The following GRIK5 variants were observed in gnomAD, a reference collection of about 807,000 sequenced individuals.
GRIK5 encodes glutamate receptor ionotropic, kainate 5.
GRIK5 carries 43 observed loss-of-function variants against 97.4 expected under a neutral mutation model. That is an observed-to-expected ratio of 0.44 (90% CI 0.35 to 0.57). GRIK5 has a LOEUF of 0.57. GRIK5 is among the 20% of genes least tolerant of loss of function. GRIK5 has a pLI of 0.01. For synonymous variants in GRIK5, 580 were observed against 583.5 expected (o/e 0.99, Z 0.09); for missense variants, 1,015 against 1,382.0 (o/e 0.73, Z 4.21).
chr19:42,022,029 G>A lies in GRIK5; in HGVS notation c.1615C>T (p.Leu539=), dbSNP rs2146050633. ...MGRKPGYFSF[L]DPFSPAVWLF... Reference sequence around the variant, plus strand: ...CACACAGCAGGGGAGAAGGGGTCCAGGAAGGAGAAGTAGCCAGGCTTGCGG... The same window carrying A: ...CACACAGCAGGGGAGAAGGGGTCCAAGAAGGAGAAGTAGCCAGGCTTGCGG... The change falls in exon 14 of 20, where the codon CTG becomes TTG. Residue 539 remains leucine (L), a synonymous_variant. Coordinates refer to ENST00000593562, the MANE Select transcript of GRIK5 (RefSeq NM_002088.5). The surrounding 1 kb of genome is among the most constrained non-coding windows in gnomAD (Gnocchi z 4.2). The A allele has an allele frequency of 6.2e-7, 1 of 1,613,752 alleles. No homozygotes were observed.
At chr19:42,035,440 C>T (rs982627880) in intron 12 of GRIK5, among the ~76,000 whole-genome samples, 4 of 152,244 alleles carry the variant, frequency 2.6e-5, no homozygotes, top group South Asian at 2.1e-4. Context: ...GGCATGGTGG[C>T]TTACGCCTTT....
intron 11 of GRIK5, among the ~76,000 whole-genome samples, chr19:42,043,167 T>A (rs139573622): frequency 2.6e-4 from 39 of 152,298 alleles, no homozygotes; most frequent in African/African-American, 9.1e-4. Context: ...CACCCACACA[T>A]GAACACACGT....
At position 42,006,798 on chromosome 19, in the gene GRIK5, G is replaced by A; in HGVS notation, c.1884C>T (p.Thr628=). The A allele has an allele frequency of 1.9e-6, 3 of 1,605,384 alleles. No individual in the cohort carries two copies. The highest frequency in any genetic ancestry group is 2.6e-6 in the Non-Finnish European group (3 of 1,174,744). Residue 628 remains threonine (T), a synonymous_variant, in exon 16 of 20, where the codon ACC becomes ACT. Transcript: ENST00000593562. The surrounding 1 kb of genome is among the most constrained non-coding windows in gnomAD (Gnocchi z 5.3). ...RCVSGVWWAF[T]LIIISSYTAN... Reference sequence around the variant, plus strand: ...CCGTGTAGGAGGAGATGATGATCAAGGTGAAGGCCCACCTGAAGGGTGGGA... The same window carrying A: ...CCGTGTAGGAGGAGATGATGATCAAAGTGAAGGCCCACCTGAAGGGTGGGA...
intron 12 of GRIK5, among the ~76,000 whole-genome samples, chr19:42,023,825 C>T (rs1271843920): frequency 6.6e-6 from 1 of 152,222 alleles, no homozygotes; most frequent in Non-Finnish European, 1.5e-5. Flanking sequence ...CTCATCGGCG[C>T]CCCCTGCCGC....
Position 42,021,482 on chromosome 19 carries a change from G to A in GRIK5, c.1698-8C>T, listed in dbSNP as rs758966411. The A allele has an allele frequency of 1.6e-5, 25 of 1,531,966 alleles. No individual in the cohort carries two copies. In the South Asian group the frequency reaches 2.9e-4, roughly 18 times the overall value. 94.9% of individuals were successfully genotyped at this position (1,531,966 alleles called of 1,614,324 possible). A position where few individuals can be genotyped will look rare whatever the true frequency, so the allele number is the denominator to read the frequency against. ...CACTCATAGGGGCTCAGCCTGTGGA[G>A]AGACGTGCAGCGTGTGGATGGGGCC... On this transcript the variant is annotated splice_region_variant and splice_polypyrimidine_tract_variant and intron_variant, in intron 14 of 19. Coordinates refer to ENST00000593562, the MANE Select transcript of GRIK5 (RefSeq NM_002088.5). The surrounding 1 kb of genome is among the most constrained non-coding windows in gnomAD (Gnocchi z 4.2).
Position 42,005,855 on chromosome 19 carries a change from G to A in GRIK5, c.2131C>T (p.Arg711Cys), listed in dbSNP as rs2075482859. 3 of 1,611,682 alleles carry A rather than the reference G, an allele frequency of 1.9e-6. No homozygotes were observed. The highest frequency in any genetic ancestry group is 2.5e-6 in the Non-Finnish European group (3 of 1,177,924). ...FVKSTEEGIA[R>C]VLNSRYAFLL... Reference sequence around the variant, plus strand: ...AAGGCGTAGCGGGAGTTGAGGACGCGGGCAATGCCCTCTTCTGTGCTCTTG... The same window carrying A: ...AAGGCGTAGCGGGAGTTGAGGACGCAGGCAATGCCCTCTTCTGTGCTCTTG... Residue 711 changes from arginine to cysteine, a missense_variant, in exon 17 of 20, where the codon CGC becomes TGC. This residue lies in a region of GRIK5 where 229 missense variants were observed against 341.0 expected (regional missense o/e 0.67). Coordinates refer to ENST00000593562, the MANE Select transcript of GRIK5 (RefSeq NM_002088.5).
chr19:42,029,671 A>G (rs544723177), intron 12 of GRIK5, among the ~76,000 whole-genome samples: 37 of 152,116 alleles, frequency 2.4e-4, no homozygotes, highest in Non-Finnish European at 5.0e-4. Context: ...TGCCATCAAT[A>G]CTTTGCGAAT....
intron 15 of GRIK5, among the ~76,000 whole-genome samples, chr19:42,011,552 CAAAA>C (rs58029855): frequency 3.1e-5 from 2 of 65,124 alleles, no homozygotes. Flanking sequence ...GACTCCGTCT[CAAAA>C]AAAAAAAAAA....
chr19:42,006,603 AG>A lies in GRIK5; in HGVS notation c.2037+41del. 1.3e-6 allele frequency: 2 copies of A among 1,579,144 alleles called. No individual in the cohort carries two copies. Among genetic ancestry groups the A allele is most frequent in the Non-Finnish European group, 8.7e-7 (1 of 1,149,680 alleles). On this transcript the variant is annotated intron_variant, in intron 16 of 19. Transcript: ENST00000593562. The surrounding 1 kb of genome is among the most constrained non-coding windows in gnomAD (Gnocchi z 5.3). ...CCCATCCTGAGCTGCTTTGCATGGC[AG>A]GGATCCCAACACCACGCCTGAGAGG...
chr19:42,063,340 T>C (rs1451277277), intron 3 of GRIK5: 3 of 456,790 alleles, frequency 6.6e-6, no homozygotes, highest in African/African-American at 4.0e-5. Flanking sequence ...CTTATACACA[T>C]GTGTGTCTCA....
At position 42,021,584 on chromosome 19, in the gene GRIK5, A is replaced by G; in HGVS notation, c.1698-110T>C. 1 of 869,056 alleles carries G rather than the reference A, an allele frequency of 1.2e-6. No homozygotes were observed. The highest frequency in any genetic ancestry group is 3.0e-5 in the Admixed American group (1 of 33,038). 53.8% of individuals were successfully genotyped at this position (869,056 alleles called of 1,614,324 possible). Reference sequence around the variant, plus strand: ...TCAGAAGAAAGGGGGAGAGATGGAAAAAGGAGCAAGATGGACAGAAGCACA... The same window carrying G: ...TCAGAAGAAAGGGGGAGAGATGGAAGAAGGAGCAAGATGGACAGAAGCACA... On this transcript the variant is annotated intron_variant, in intron 14 of 19. Coordinates refer to ENST00000593562, the MANE Select transcript of GRIK5 (RefSeq NM_002088.5). This position sits in a 1 kb window ranked among gnomAD's most constrained non-coding sequence, Gnocchi z 4.2.
At chr19:42,008,629 A>C (rs1442628935) in intron 15 of GRIK5, among the ~76,000 whole-genome samples, 4 of 152,136 alleles carry the variant, frequency 2.6e-5, no homozygotes, top group Non-Finnish European at 1.5e-5. Context: ...TTGCCTCAAA[A>C]AAAAAGGACC....
At chr19:42,001,490 A>G (rs1340246993) in intron 19 of GRIK5, among the ~76,000 whole-genome samples, 1 of 152,120 alleles carries the variant, frequency 6.6e-6, no homozygotes, top group Non-Finnish European at 1.5e-5. Flanking sequence ...CAGCCTCCCA[A>G]AGTGCTTGGA....
intron 6 of GRIK5, among the ~76,000 whole-genome samples, chr19:42,058,825 C>CAAA (rs768060100): frequency 1.6e-5 from 1 of 62,748 alleles, no homozygotes; most frequent in Non-Finnish European, 3.2e-5. Context: ...GACTCCGTCT[C>CAAA]AAAAAAAAAA....
chr19:42,009,169 A>G (rs2075528921), intron 15 of GRIK5, among the ~76,000 whole-genome samples: 2 of 152,142 alleles, frequency 1.3e-5, no homozygotes. Flanking sequence ...TTAAGTCTAC[A>G]CTGAGCCTGG....
Position 41,999,090 on chromosome 19 carries a change from G to T in GRIK5, c.2724C>A (p.Arg908=). ...DAGSAHGGPQ[R]LLDDPGPPSG... ...TGGGGGGCCCCGGGTCGTCCAGGAG[G>T]CGCTGCGGGCCCCCGTGCGCGCTGC... The change falls in exon 20 of 20, where the codon CGC becomes CGA. Residue 908 remains arginine, a synonymous_variant. Coordinates refer to ENST00000593562, the MANE Select transcript of GRIK5 (RefSeq NM_002088.5). The surrounding 1 kb of genome is among the most constrained non-coding windows in gnomAD (Gnocchi z 5.0). 1 of 1,336,532 alleles carries T rather than the reference G, an allele frequency of 7.5e-7. No homozygotes were observed. The highest frequency in any genetic ancestry group is 9.5e-7 in the Non-Finnish European group (1 of 1,049,670). 82.8% of individuals were successfully genotyped at this position (1,336,532 alleles called of 1,614,324 possible).
chr19:42,009,445 G>A (rs1020025740), intron 15 of GRIK5, among the ~76,000 whole-genome samples: 8 of 150,024 alleles, frequency 5.3e-5, no homozygotes, highest in Non-Finnish European at 8.9e-5. Context: ...GTTTTGCCAC[G>A]TTGGCCAGGC....
At chr19:42,054,255 C>A in intron 9 of GRIK5, 65 bp downstream of exon 9, 1 of 1,534,258 alleles carries the variant, frequency 6.5e-7, no homozygotes, top group Non-Finnish European at 8.8e-7. Flanking sequence ...AGGGTGGTCA[C>A]AGTGAGCGCT....
At chr19:42,064,226 G>C (rs575036270) in intron 3 of GRIK5, among the ~76,000 whole-genome samples, 112 of 152,270 alleles carry the variant, frequency 7.4e-4, no homozygotes, top group Non-Finnish European at 1.4e-3. Flanking sequence ...CCCTGGTATA[G>C]ACCTATCAAT....
Sources: gnomAD v4.1 joint callset for allele counts (sites outside exome capture counted in the v4.1 genomes callset) on GRCh38, gnomAD v4.1.1 for gene constraint, gnomAD v4.1.1 regional missense constraint, Gnocchi (gnomAD v3.1) non-coding constraint, MANE v1.5 for transcripts, NCBI Gene and HGNC (gene_info 2026-07-23, HGNC 2026-07-21) for gene names.